Variants in NAV2 observed in about 807,000 individuals in gnomAD.
The protein encoded by NAV2 is helicase, APC down-regulated 1.
A neutral mutation model predicts 223.2 loss-of-function variants in NAV2; 54 were observed. The observed-to-expected ratio is 0.24, with a 90% CI of 0.19 to 0.30. NAV2 has a LOEUF of 0.30. Ranked by LOEUF, NAV2 falls within the 10% of genes least tolerant of loss-of-function variation. The pLI, the probability that NAV2 is intolerant of heterozygous loss-of-function variation, is 1.00. For missense variants in NAV2, 2,806 were observed against 3,147.5 expected (o/e 0.89, Z 2.60); for synonymous variants, 1,279 against 1,239.3 (o/e 1.03, Z -0.67).
chr11:20,030,839 T>A (rs905331104), intron 11 of NAV2, among the ~76,000 whole-genome samples: 1 of 152,248 alleles, frequency 6.6e-6, no homozygotes, highest in African/African-American at 2.4e-5. Flanking sequence ...AATAGTCATT[T>A]AAAATTGAAA....
intron 11 of NAV2, among the ~76,000 whole-genome samples, chr11:19,990,153 A>G (rs2051181865): frequency 6.6e-6 from 1 of 152,156 alleles, no homozygotes; most frequent in Non-Finnish European, 1.5e-5. Flanking sequence ...CTCAGACTTC[A>G]AGGAAAAGGT....
rs149119981 is a variant in NAV2, at chr11:20,017,921, G to A, written c.2769-18038G>A. 3.6e-3 allele frequency among the ~76,000 whole-genome samples: 547 copies of A among 152,104 alleles called. 1 individual carries two copies. The highest frequency in any genetic ancestry group is 5.5e-3 in the Non-Finnish European group (377 of 67,986). ...TTTAAACCTTTATGTTTTCCTTCTT[G>A]TTCATTCATCCAGGAGAGCTTTCCT... On this transcript the variant is annotated intron_variant, in intron 11 of 37. Coordinates refer to ENST00000349880, the MANE Select transcript of NAV2 (RefSeq NM_145117.5).
intron 6 of NAV2, among the ~76,000 whole-genome samples, chr11:19,898,644 A>G (rs937987013): frequency 1.3e-5 from 2 of 152,186 alleles, no homozygotes; most frequent in African/African-American, 4.8e-5. Context: ...TGAAATTAAT[A>G]TCCTTGTATG....
At chr11:19,487,081 T>C (rs186377025) in intron 1 of NAV2, among the ~76,000 whole-genome samples, 14 of 152,324 alleles carry the variant, frequency 9.2e-5, no homozygotes, top group South Asian at 2.1e-4. Context: ...TAAGTGGCTT[T>C]CCCTCACTGG....
chr11:19,475,062 C>T (rs544438677), intron 1 of NAV2, among the ~76,000 whole-genome samples: 2 of 152,308 alleles, frequency 1.3e-5, no homozygotes, highest in Admixed American at 1.3e-4. Context: ...TCCACTGGGC[C>T]TTGGGTCAGC....
chr11:19,355,395 G>A lies in NAV2; in HGVS notation c.75+4368G>A, dbSNP rs753117073. On this transcript the variant is annotated intron_variant, in intron 1 of 37. Transcript: ENST00000360655. ...AAATGTCTTTGGAGAGTGTGAACTC[G>A]GGTTTAGTGTAATTAAAATTTCTAG... Among the ~76,000 whole-genome samples the A allele has an allele frequency of 3.9e-5, 6 of 152,028 alleles. No individual in the cohort carries two copies. The East Asian group carries it at 5.8e-4, about 15-fold the overall frequency.
At chr11:19,787,553 C>T (rs533991534) in intron 1 of NAV2, among the ~76,000 whole-genome samples, 1 of 152,210 alleles carries the variant, frequency 6.6e-6, no homozygotes, top group African/African-American at 2.4e-5. Flanking sequence ...CATTGTGACC[C>T]TGGGCAAGTT....
At chr11:20,095,225 G>C (rs572944342) in intron 29 of NAV2, among the ~76,000 whole-genome samples, 15 of 152,212 alleles carry the variant, frequency 9.9e-5, no homozygotes, top group African/African-American at 3.6e-4. Flanking sequence ...AATTAGTACA[G>C]AATATATCAT....
chr11:19,709,462 T>A (rs760863826), upstream of NAV2, among the ~76,000 whole-genome samples: 3 of 146,630 alleles, frequency 2.0e-5, no homozygotes, highest in South Asian at 4.3e-4. Context: ...GAATGGGGTG[T>A]ACCCAGGAGG....
In NAV2 at chr11:19,371,467, T is replaced by C. The variant is rs766358279; in HGVS notation, c.75+20440T>C. Among the ~76,000 whole-genome samples, 4 of 152,302 alleles carry C rather than the reference T, an allele frequency of 2.6e-5. No homozygotes were observed. In the South Asian group the frequency reaches 6.2e-4, roughly 24 times the overall value. ...ACCCTTCAAATACTGGAAAATATTG[T>C]TATGGTGACTGAAAGTAGTTAACGT... On this transcript the variant is annotated intron_variant, in intron 1 of 37. Transcript: ENST00000360655.
At chr11:19,671,190 T>C (rs1452769784) in intron 1 of NAV2, among the ~76,000 whole-genome samples, 7 of 152,250 alleles carry the variant, frequency 4.6e-5, no homozygotes, top group African/African-American at 7.2e-5. Context: ...TCCCTAGTTT[T>C]GTACTGTTTG....
chr11:19,557,231 A>G (rs2134722568), intron 1 of NAV2, among the ~76,000 whole-genome samples: 1 of 152,330 alleles, frequency 6.6e-6, no homozygotes, highest in South Asian at 2.1e-4. Flanking sequence ...GCAAGTGAAG[A>G]CATTGATGCC....
chr11:19,617,729 A>T (rs1020622848), intron 1 of NAV2, among the ~76,000 whole-genome samples: 1 of 152,324 alleles, frequency 6.6e-6, no homozygotes, highest in Admixed American at 6.5e-5. Context: ...GCAGTACAAC[A>T]ATGATCTGGG....
chr11:19,715,850 T>A (rs147156143), intron 1 of NAV2, among the ~76,000 whole-genome samples: 112 of 152,324 alleles, frequency 7.4e-4, no homozygotes, highest in African/African-American at 2.6e-3. Flanking sequence ...ATAGTTTGGA[T>A]GGACTGCTAA....
Position 20,115,415 on chromosome 11 carries a change from G to A in NAV2, c.7164+620G>A, listed in dbSNP as rs180765100. Among the ~76,000 whole-genome samples the A allele has an allele frequency of 1.7e-3, 262 of 152,004 alleles. 1 individual carries two copies. The highest frequency in any genetic ancestry group is 0.014 in the Middle Eastern group (4 of 292). On this transcript the variant is annotated intron_variant, in intron 37 of 37. Coordinates refer to ENST00000349880, the MANE Select transcript of NAV2 (RefSeq NM_145117.5). ...TTTGAGAGGCCAAGGCGGGTGGATC[G>A]AGGTCAGGAGATCGAGACCATCCTG...
At chr11:19,451,606 G>A (rs1312025918) in intron 1 of NAV2, among the ~76,000 whole-genome samples, 1 of 152,196 alleles carries the variant, frequency 6.6e-6, no homozygotes, top group Non-Finnish European at 1.5e-5. Context: ...GGTGACTTGG[G>A]TATTGCACAT....
intron 3 of NAV2, among the ~76,000 whole-genome samples, chr11:19,865,695 T>A (rs1479802825): frequency 6.6e-6 from 1 of 152,258 alleles, no homozygotes; most frequent in Admixed American, 6.5e-5. Context: ...TTACGAATGA[T>A]CTTTTAAATA....
intron 6 of NAV2, among the ~76,000 whole-genome samples, chr11:19,925,710 T>C (rs1399356706): frequency 6.8e-6 from 1 of 146,088 alleles, no homozygotes; most frequent in African/African-American, 2.6e-5. Flanking sequence ...ATTGCGCCAC[T>C]ACACTCCAGC....
chr11:19,614,526 A>C (rs2046737818), intron 1 of NAV2, among the ~76,000 whole-genome samples: 1 of 152,172 alleles, frequency 6.6e-6, no homozygotes, highest in Non-Finnish European at 1.5e-5. Flanking sequence ...ATCCTCTGCT[A>C]TCAATATCGC....
Sources: allele counts gnomAD v4.1 joint callset (sites outside exome capture counted in the v4.1 genomes callset), GRCh38; gene constraint gnomAD v4.1.1; transcripts MANE v1.5; gene names NCBI Gene and HGNC (gene_info 2026-07-23, HGNC 2026-07-21).